The following ADGRL2 variants were observed in gnomAD, a reference collection of about 807,000 sequenced individuals.
The protein encoded by ADGRL2 is calcium-independent alpha-latrotoxin receptor 2.
Under a neutral mutation model 157.4 loss-of-function variants are expected in ADGRL2, and 44 were observed. The ratio of observed to expected loss-of-function variants is 0.28; its 90% CI spans 0.22 to 0.36. The LOEUF is 0.36. ADGRL2 is among the 10% of genes least tolerant of loss of function. ADGRL2 has a pLI of 1.00. For missense variants in ADGRL2, 1,510 were observed against 1,768.9 expected, an observed-to-expected ratio of 0.85 and a Z score of 2.63; for synonymous variants, 585 against 624.7, an observed-to-expected ratio of 0.94 and a Z score of 0.95.
intron 17 of ADGRL2, among the ~76,000 whole-genome samples, chr1:81,977,347 A>G (rs1660451395): frequency 1.3e-5 from 2 of 151,870 alleles, no homozygotes; most frequent in African/African-American, 2.4e-5. Context: ...GGAGAAATGC[A>G]TTGAACAGTC....
intron 19 of ADGRL2, among the ~76,000 whole-genome samples, chr1:81,983,508 CA>C: frequency 6.6e-6 from 1 of 152,098 alleles, no homozygotes; most frequent in Middle Eastern, 3.4e-3. Flanking sequence ...TCTAATTTTG[CA>C]AGGAATAAGT....
chr1:81,474,625 TTATAGAG>T (rs961300968), intron 2 of ADGRL2, among the ~76,000 whole-genome samples: 1 of 152,176 alleles, frequency 6.6e-6, no homozygotes, highest in Non-Finnish European at 1.5e-5. Flanking sequence ...ATTTTAGAAA[TTATAGAG>T]TAGAGTCAAA....
chr1:81,457,272 G>A (rs943083030), intron 2 of ADGRL2, among the ~76,000 whole-genome samples: 1 of 151,888 alleles, frequency 6.6e-6, no homozygotes, highest in African/African-American at 2.4e-5. Context: ...AAGTTAATAT[G>A]GTACATGAAC....
chr1:81,669,858 G>A (rs1014638021), intron 3 of ADGRL2, among the ~76,000 whole-genome samples: 19 of 150,450 alleles, frequency 1.3e-4, no homozygotes, highest in African/African-American at 4.2e-4. Context: ...CAGGAGAATG[G>A]CATGAACCCG....
At chr1:81,549,840 A>G (rs2080102458) in intron 2 of ADGRL2, among the ~76,000 whole-genome samples, 1 of 152,224 alleles carries the variant, frequency 6.6e-6, no homozygotes, top group Non-Finnish European at 1.5e-5. Flanking sequence ...AGGTATCTTC[A>G]TTCAACTTTC....
At chr1:81,600,997 T>A (rs916714870) in intron 3 of ADGRL2, among the ~76,000 whole-genome samples, 2 of 152,206 alleles carry the variant, frequency 1.3e-5, no homozygotes, top group African/African-American at 2.4e-5. Context: ...AAGAGAGAGC[T>A]GCTGATCGAC....
At position 81,718,766 on chromosome 1, in the gene ADGRL2, G is replaced by A. The variant is rs540568691; in HGVS notation, c.-143+18958G>A. 7.6e-4 allele frequency among the ~76,000 whole-genome samples: 116 copies of A among 152,264 alleles called. 2 individuals carry two copies. The highest frequency in any genetic ancestry group is 2.7e-3 in the African/African-American group (113 of 41,552). On this transcript the variant is annotated intron_variant, in intron 1 of 20. Coordinates refer to the ADGRL2 transcript ENST00000359929. ...AAACTCAAACAGCAGGATCTCTTTT[G>A]TAAAGAAAAGTGTGAATTTGAGCTA...
chr1:81,691,141 G>A (rs911726201), intron 3 of ADGRL2, among the ~76,000 whole-genome samples: 3 of 152,214 alleles, frequency 2.0e-5, no homozygotes, highest in Non-Finnish European at 2.9e-5. Context: ...GAAAACTTGA[G>A]AGGTCACTGT....
chr1:81,968,324 T>C, intron 14 of ADGRL2, 125 bp downstream of exon 14: 2 of 786,352 alleles, frequency 2.5e-6, no homozygotes, highest in Non-Finnish European at 4.2e-6. Context: ...TGTTGATTTC[T>C]AATTGTTTCT....
chr1:81,823,934 A>G (rs957323336), intron 1 of ADGRL2, among the ~76,000 whole-genome samples: 2 of 152,082 alleles, frequency 1.3e-5, no homozygotes, highest in Non-Finnish European at 2.9e-5. Flanking sequence ...TTGCTAAAAA[A>G]TAAATATTTC....
chr1:81,791,554 A>G (rs1471342839), intron 2 of ADGRL2, among the ~76,000 whole-genome samples: 1 of 152,154 alleles, frequency 6.6e-6, no homozygotes, highest in Admixed American at 6.5e-5. Flanking sequence ...ATCTGAATGA[A>G]TCCACTCAAA....
At chr1:81,861,973 T>C (rs2093403678) in intron 2 of ADGRL2, among the ~76,000 whole-genome samples, 1 of 152,352 alleles carries the variant, frequency 6.6e-6, no homozygotes, top group East Asian at 1.9e-4. Context: ...TAGAAAAATT[T>C]ATAATTGTTT....
chr1:81,366,512 C>T (rs11163261), intron 1 of ADGRL2, among the ~76,000 whole-genome samples: 77,396 of 151,830 alleles, frequency 0.51, 21,744 homozygotes, highest in East Asian at 0.72. Context: ...TCTAGCTTTA[C>T]TCTTGCTATC....
At chr1:81,804,336 C>G (rs2088788310) in intron 1 of ADGRL2, among the ~76,000 whole-genome samples, 1 of 152,144 alleles carries the variant, frequency 6.6e-6, no homozygotes, top group African/African-American at 2.4e-5. Flanking sequence ...TTGTTTGCCT[C>G]TAAAAGAGGT....
chr1:81,803,786 A>G (rs894437280), intron 1 of ADGRL2, among the ~76,000 whole-genome samples: 3 of 152,098 alleles, frequency 2.0e-5, no homozygotes, highest in Non-Finnish European at 4.4e-5. Context: ...TTTATTCTGC[A>G]TTCTTTCAGT....
At chr1:81,501,753 T>A in intron 2 of ADGRL2, 4 of 1,610,438 alleles carry the variant, frequency 2.5e-6, no homozygotes, top group Non-Finnish European at 3.4e-6. Context: ...ACTCTGTGGG[T>A]GAAGCTTGAG....
chr1:81,858,669 G>A (rs1346350303), intron 2 of ADGRL2, among the ~76,000 whole-genome samples: 1 of 152,052 alleles, frequency 6.6e-6, no homozygotes, highest in Non-Finnish European at 1.5e-5. Flanking sequence ...CAGAATTGGG[G>A]TTGAGTACTT....
intron 2 of ADGRL2, among the ~76,000 whole-genome samples, chr1:81,884,340 T>C (rs769551667): frequency 1.3e-5 from 2 of 152,176 alleles, no homozygotes; most frequent in Admixed American, 6.5e-5. Context: ...TTTTAAAGAA[T>C]CTTGCTACTT....
In ADGRL2 at chr1:81,542,304, C is replaced by A. The variant is rs148045265; in HGVS notation, c.-247-38572C>A. 1.9e-3 allele frequency among the ~76,000 whole-genome samples: 291 copies of A among 152,238 alleles called. 2 individuals are homozygous for A. The highest frequency in any genetic ancestry group is 6.9e-3 in the African/African-American group (286 of 41,562). ...AAAAGGATGCCAGAGGCCTAACACT[C>A]GTGGCCATTACCATTCCCAGAGTGC... On this transcript the variant is annotated intron_variant, in intron 2 of 24. Coordinates refer to the ADGRL2 transcript ENST00000370721.
Sources: allele counts gnomAD v4.1 joint callset (sites outside exome capture counted in the v4.1 genomes callset), GRCh38; gene constraint gnomAD v4.1.1; transcripts MANE v1.5; gene names NCBI Gene and HGNC (gene_info 2026-07-23, HGNC 2026-07-21).